AKAP10: variants seen among roughly 807,000 people sequenced by gnomAD.
The protein encoded by AKAP10 is A-kinase anchor protein 10, mitochondrial.
AKAP10 carries 24 observed loss-of-function variants against 80.8 expected under a neutral mutation model. That is an observed-to-expected ratio of 0.30 (90% confidence interval 0.22 to 0.42). The LOEUF (loss-of-function observed/expected upper bound fraction) is 0.42. Among genes scored for constraint, AKAP10 ranks in the 10% least tolerant of loss-of-function variants. The pLI, the probability that AKAP10 is intolerant of heterozygous loss-of-function variation, is 1.00. For synonymous variants in AKAP10, 291 were observed against 277.7 expected, an observed-to-expected ratio of 1.05 and a Z score of -0.48; for missense variants, 661 against 794.9, an observed-to-expected ratio of 0.83 and a Z score of 2.03.
intron 1 of AKAP10, among the ~76,000 whole-genome samples, chr17:19,976,184 C>T (rs2043563793): frequency 6.6e-6 from 1 of 152,148 alleles, no homozygotes; most frequent in Non-Finnish European, 1.5e-5. Flanking sequence ...TTGTTTAGTG[C>T]TTTTTCCAAA....
chr17:19,946,233 T>TAAA lies in AKAP10; in HGVS notation c.976+1173_976+1174insTTT, dbSNP rs1472252744. Among the ~76,000 whole-genome samples, 7 of 17,548 alleles carry TAAA rather than the reference T, an allele frequency of 4.0e-4. 1 individual carries two copies. The highest frequency in any genetic ancestry group is 1.6e-3 in the African/African-American group (7 of 4,444). 11.5% of individuals were successfully genotyped at this position (17,548 alleles called of 152,430 possible). On this transcript the variant is annotated intron_variant, in intron 5 of 14. Transcript: ENST00000225737. Reference sequence around the variant, plus strand: ...TATATATATATATTTTATATATATATATATTATATATATATATATATATAT... The same window carrying TAAA: ...TATATATATATATTTTATATATATATAAAATATTATATATATATATATATATAT...
intron 9 of AKAP10, among the ~76,000 whole-genome samples, chr17:19,933,421 T>C (rs1375385025): frequency 6.6e-6 from 1 of 152,270 alleles, no homozygotes; most frequent in Non-Finnish European, 1.5e-5. Context: ...CTCAAAGTTT[T>C]TGTTGAATGA....
intron 9 of AKAP10, among the ~76,000 whole-genome samples, chr17:19,935,391 A>G (rs1339287120): frequency 1.3e-5 from 2 of 152,194 alleles, no homozygotes; most frequent in African/African-American, 4.8e-5. Flanking sequence ...GGCCTAGCAC[A>G]TTATTGTACA....
chr17:19,943,166 G>A (rs1227559078), intron 5 of AKAP10, among the ~76,000 whole-genome samples: 3 of 152,184 alleles, frequency 2.0e-5, no homozygotes, highest in Non-Finnish European at 2.9e-5. Context: ...TGGGATTACA[G>A]GCCTGAGACA....
rs2042806798 is a variant in AKAP10, at chr17:19,920,956, A to C, written c.1752-838T>G. On this transcript the variant is annotated intron_variant, in intron 11 of 14. Transcript: ENST00000225737. ...ATGATTAGTATCGAGAAACATAGAG[A>C]ATCTTTTTTTTTTTTTGAATAATGA... Among the ~76,000 whole-genome samples the C allele has an allele frequency of 4.5e-5, 6 of 134,070 alleles. No individual in the cohort carries two copies. The South Asian group carries it at 1.4e-3, about 31-fold the overall frequency. 88.0% of individuals were successfully genotyped at this position (134,070 alleles called of 152,430 possible). A position where few individuals can be genotyped will look rare whatever the true frequency, so the allele number is the denominator to read the frequency against.
Position 19,946,254 on chromosome 17 carries a change from T to TTTTATATATATATATAAA in AKAP10, c.976+1152_976+1153insTTTATATATATATATAAA, listed in dbSNP as rs2043119753. On this transcript the variant is annotated intron_variant, in intron 5 of 14. Coordinates refer to ENST00000225737, the MANE Select transcript of AKAP10 (RefSeq NM_007202.4). ...TATATATATTATATATATATATATATATATATATATATATATATATATTTT... is the reference window on the plus strand; with the variant it reads ...TATATATATTATATATATATATATATTTTATATATATATATAAAATATATATATATATATATATATTTT... 2.0e-4 allele frequency among the ~76,000 whole-genome samples: 5 copies of TTTTATATATATATATAAA among 24,812 alleles called. 1 individual carries two copies. Among genetic ancestry groups the TTTTATATATATATATAAA allele is most frequent in the African/African-American group, 7.8e-4 (5 of 6,392 alleles). 16.3% of individuals were successfully genotyped at this position (24,812 alleles called of 152,430 possible).
chr17:19,956,703 T>C (rs570041327), intron 4 of AKAP10, among the ~76,000 whole-genome samples: 57 of 152,206 alleles, frequency 3.7e-4, no homozygotes, highest in Non-Finnish European at 1.0e-4. Context: ...TACAGTAACT[T>C]TGCGATGAAA....
intron 5 of AKAP10, among the ~76,000 whole-genome samples, chr17:19,946,262 TA>T (rs1323666351): frequency 1.3e-4 from 4 of 29,638 alleles, no homozygotes; most frequent in South Asian, 9.7e-4. Context: ...TATATATATA[TA>T]TATATATATA....
chr17:19,927,222 T>C (rs993535521), intron 10 of AKAP10, among the ~76,000 whole-genome samples: 4 of 152,082 alleles, frequency 2.6e-5, no homozygotes, highest in African/African-American at 9.7e-5. Flanking sequence ...TGGCCCTAGC[T>C]ATTCAGGAGG....
At chr17:19,975,506 A>G (rs1204619072) in intron 1 of AKAP10, among the ~76,000 whole-genome samples, 2 of 152,126 alleles carry the variant, frequency 1.3e-5, no homozygotes, top group Admixed American at 6.6e-5. Flanking sequence ...CTGATCCTTC[A>G]GCTCTAAGTT....
intron 2 of AKAP10, among the ~76,000 whole-genome samples, chr17:19,966,533 T>C (rs2043420759): frequency 6.6e-6 from 1 of 151,094 alleles, no homozygotes; most frequent in Admixed American, 6.6e-5. Flanking sequence ...TATAAGTTTG[T>C]CTTTCTAACC....
chr17:19,909,092 C>A, intron 14 of AKAP10, 89 bp downstream of exon 14: 1 of 1,141,850 alleles, frequency 8.8e-7, no homozygotes, highest in East Asian at 2.5e-5. Context: ...GTTAATCCTT[C>A]AAAGGCAAAG....
chr17:19,955,784 G>A (rs766406621), intron 4 of AKAP10, among the ~76,000 whole-genome samples: 8 of 152,036 alleles, frequency 5.3e-5, no homozygotes, highest in Non-Finnish European at 1.0e-4. Flanking sequence ...GCAGTGAGCT[G>A]AGAGTACGTC....
rs184163937 is a variant in AKAP10 at position 19,933,984 on chromosome 17, C to T, written c.1468-2006G>A. On this transcript the variant is annotated intron_variant, in intron 9 of 14. Transcript: ENST00000225737. ...TTGCCCAGGCTGGAGTGCAATGGTG[C>T]GATCTCAGCTCACTGCAACCTCTGC... is the stretch of plus-strand genomic sequence containing the variant. 2.3e-3 allele frequency among the ~76,000 whole-genome samples: 355 copies of T among 151,888 alleles called. 1 individual carries two copies. The highest frequency in any genetic ancestry group is 8.2e-3 in the African/African-American group (341 of 41,416).
At chr17:19,974,260 A>G (rs1597537841) in intron 1 of AKAP10, among the ~76,000 whole-genome samples, 1 of 152,330 alleles carries the variant, frequency 6.6e-6, no homozygotes, top group Non-Finnish European at 1.5e-5. Flanking sequence ...GTTTAAAATG[A>G]CTAAATCTGG....
chr17:19,959,158 T>C lies in AKAP10; in HGVS notation c.320-587A>G, dbSNP rs75229596. 5.3e-3 allele frequency among the ~76,000 whole-genome samples: 807 copies of C among 152,136 alleles called. 16 individuals are homozygous for C. The East Asian group carries it at 0.074, about 14-fold the overall frequency. On this transcript the variant is annotated intron_variant, in intron 3 of 14. Transcript: ENST00000225737. Reference sequence around the variant, plus strand: ...GTGAGCCACTGCGCCCAGCCCAGACTACATAAATTCTTAAGAAAAAAAACT... The same window carrying C: ...GTGAGCCACTGCGCCCAGCCCAGACCACATAAATTCTTAAGAAAAAAAACT...
At chr17:19,930,777 C>T (rs1031333240) in intron 10 of AKAP10, among the ~76,000 whole-genome samples, 3 of 152,020 alleles carry the variant, frequency 2.0e-5, no homozygotes, top group African/African-American at 7.2e-5. Flanking sequence ...GTGGCGTGAT[C>T]TCGGCTCACT....
intron 10 of AKAP10, among the ~76,000 whole-genome samples, 170 bp downstream of exon 10, chr17:19,931,634 GC>G (rs1015999821): frequency 1.3e-5 from 2 of 152,072 alleles, no homozygotes; most frequent in African/African-American, 4.8e-5. Flanking sequence ...CGTGTGATCC[GC>G]CCACCGCAGC....
chr17:19,908,497 C>T (rs1279823950), intron 14 of AKAP10, among the ~76,000 whole-genome samples: 1 of 152,094 alleles, frequency 6.6e-6, no homozygotes, highest in East Asian at 1.9e-4. Context: ...TGGACACATG[C>T]GTTTTCACCC....
Sources: gnomAD v4.1 joint callset for allele counts (sites outside exome capture counted in the v4.1 genomes callset) on GRCh38, gnomAD v4.1.1 for gene constraint, MANE v1.5 for transcripts, NCBI Gene and HGNC (gene_info 2026-07-23, HGNC 2026-07-21) for gene names.